Variants in DNAH9 observed in about 807,000 individuals in gnomAD.
DNAH9 encodes dynein axonemal heavy chain 9.
Under a neutral mutation model 471.6 loss-of-function variants are expected in DNAH9, and 345 were observed. That is an observed-to-expected ratio of 0.73 (90% CI 0.67 to 0.80). The LOEUF (loss-of-function observed/expected upper bound fraction) is 0.80, where lower values mean the gene tolerates loss of function less well. Ranked by LOEUF, DNAH9 falls within the 30% of genes least tolerant of loss-of-function variation. The probability of loss-of-function intolerance (pLI) is 0.00; values close to 1 mark genes in which losing one functional copy is unlikely to be tolerated. For synonymous variants in DNAH9, 2,093 were observed against 2,123.6 expected (o/e 0.99, Z 0.40); for missense variants, 5,407 against 5,609.2 (o/e 0.96, Z 1.15).
chr17:11,922,529 C>A (rs756780598), intron 61 of DNAH9, among the ~76,000 whole-genome samples: 68 of 152,158 alleles, frequency 4.5e-4, no homozygotes, highest in Non-Finnish European at 5.0e-4. Context: ...GCGTGGAGAG[C>A]AGCTGAAGCC....
chr17:11,968,127 C>T (rs4792211), intron 68 of DNAH9, among the ~76,000 whole-genome samples: 2,920 of 152,132 alleles, frequency 0.019, 101 homozygotes, highest in African/African-American at 0.067. Context: ...TGATAATGAT[C>T]GTACAACTTT....
chr17:11,719,317 C>T lies in DNAH9; in HGVS notation c.5553-17C>T, dbSNP rs750735803. 1 of 1,612,702 alleles carries T rather than the reference C, an allele frequency of 6.2e-7. No homozygotes were observed. Among genetic ancestry groups the T allele is most frequent in the South Asian group, 1.1e-5 (1 of 90,898 alleles). ...GGCCCCCAAGAATGATGACCTATGC[C>T]CTCCCGTGTTTGGCAGGTGCTACAT... On this transcript the variant is annotated splice_polypyrimidine_tract_variant and intron_variant, in intron 26 of 68. Coordinates refer to ENST00000262442, the MANE Select transcript of DNAH9 (RefSeq NM_001372.4).
intron 50 of DNAH9, among the ~76,000 whole-genome samples, chr17:11,866,017 C>A (rs1291453789): frequency 6.6e-6 from 1 of 152,222 alleles, no homozygotes; most frequent in Non-Finnish European, 1.5e-5. Flanking sequence ...TCTCTCAACT[C>A]GTCAAAGTCA....
At position 11,738,735 on chromosome 17, in the gene DNAH9, G is replaced by A. The variant is rs575486657; in HGVS notation, c.5815-145G>A. ...AGGGCCTGTCAGTAAAGGGTCTGGG[G>A]TGTGGTCATCATGCCTGTCTTTCAG... On this transcript the variant is annotated intron_variant, in intron 28 of 68. Transcript: ENST00000262442. The A allele has an allele frequency of 7.2e-4, 495 of 690,812 alleles. 7 individuals carry two copies. Among genetic ancestry groups the A allele is most frequent in the South Asian group, 6.6e-3 (373 of 56,728 alleles). 42.8% of individuals were successfully genotyped at this position (690,812 alleles called of 1,614,324 possible).
intron 57 of DNAH9, among the ~76,000 whole-genome samples, chr17:11,887,765 CAG>C (rs1491060290): frequency 6.8e-6 from 1 of 147,072 alleles, no homozygotes; most frequent in African/African-American, 2.5e-5. Flanking sequence ...CACACACACA[CAG>C]AGTGCACACA....
chr17:11,600,459 CCAAG>C (rs1418284148), intron 1 of DNAH9, among the ~76,000 whole-genome samples: 12 of 152,032 alleles, frequency 7.9e-5, no homozygotes, highest in African/African-American at 2.9e-4. Flanking sequence ...TGTGTCATGG[CCAAG>C]CAAAGTAGTC....
intron 57 of DNAH9, among the ~76,000 whole-genome samples, chr17:11,891,198 T>A (rs982837192): frequency 6.6e-6 from 1 of 152,154 alleles, no homozygotes; most frequent in Non-Finnish European, 1.5e-5. Flanking sequence ...GAAGGGTCCA[T>A]GAGAAAGGAG....
intron 27 of DNAH9, among the ~76,000 whole-genome samples, chr17:11,726,787 G>A (rs1455103083): frequency 5.3e-5 from 8 of 152,078 alleles, no homozygotes; most frequent in African/African-American, 1.2e-4. Flanking sequence ...GGTGGCTTAT[G>A]CCTGTCATCC....
At chr17:11,763,323 C>T in intron 35 of DNAH9, 117 bp from the exon 36 acceptor site, 1 of 883,036 alleles carries the variant, frequency 1.1e-6, no homozygotes, top group Non-Finnish European at 1.8e-6. Context: ...TCTGTAATCC[C>T]AAAGAACTTG....
intron 55 of DNAH9, among the ~76,000 whole-genome samples, 158 bp downstream of exon 55, chr17:11,881,571 C>A (rs1972722854): frequency 6.6e-6 from 1 of 152,036 alleles, no homozygotes; most frequent in Non-Finnish European, 1.5e-5. Context: ...CTGGGAATAC[C>A]ATACTGGGGA....
chr17:11,945,389 A>C (rs1975075961), intron 67 of DNAH9, among the ~76,000 whole-genome samples: 1 of 151,782 alleles, frequency 6.6e-6, no homozygotes, highest in Non-Finnish European at 1.5e-5. Context: ...ATACAAAAAT[A>C]AGCCAGGCGT....
At chr17:11,831,396 C>T (rs1970680613) in intron 48 of DNAH9, among the ~76,000 whole-genome samples, 1 of 152,064 alleles carries the variant, frequency 6.6e-6, no homozygotes, top group African/African-American at 2.4e-5. Context: ...CTCAAGGGAA[C>T]TAATAAAGTG....
At chr17:11,946,139 G>T (rs1262425085) in intron 67 of DNAH9, among the ~76,000 whole-genome samples, 1 of 144,940 alleles carries the variant, frequency 6.9e-6, no homozygotes, top group Non-Finnish European at 1.5e-5. Flanking sequence ...GGTGGAGGTT[G>T]CAGCGAGCTG....
chr17:11,607,580 T>C (rs2072535851), intron 1 of DNAH9, among the ~76,000 whole-genome samples: 1 of 152,076 alleles, frequency 6.6e-6, no homozygotes, highest in Admixed American at 6.6e-5. Flanking sequence ...TCTTTTTACA[T>C]TTTTTCTGAG....
chr17:11,807,625 G>A, intron 43 of DNAH9, 107 bp from the exon 44 acceptor site: 1 of 1,232,650 alleles, frequency 8.1e-7, no homozygotes, highest in Non-Finnish European at 1.1e-6. Context: ...AGCTCAGCCT[G>A]TGACGTGCCT....
In DNAH9 at chr17:11,969,292, A is replaced by G. The variant is rs770197523; in HGVS notation, c.13234-8A>G. The G allele has an allele frequency of 6.2e-7, 1 of 1,613,248 alleles. No individual in the cohort carries two copies. The highest frequency in any genetic ancestry group is 8.5e-7 in the Non-Finnish European group (1 of 1,179,546). ...TCTAAGGTGCCTCTTCTCATGTTTT[A>G]TCCTCAGGCTGGGATCATTACAGAG... On this transcript the variant is annotated splice_region_variant and splice_polypyrimidine_tract_variant and intron_variant, in intron 68 of 68. Transcript: ENST00000262442.
At position 11,673,818 on chromosome 17, in the gene DNAH9, T is replaced by C. The variant is rs780986923; in HGVS notation, c.3353+4024T>C. On this transcript the variant is annotated intron_variant, in intron 17 of 68. Coordinates refer to ENST00000262442, the MANE Select transcript of DNAH9 (RefSeq NM_001372.4). ...AGGGTCCTAAATGTGACATAATCCT[T>C]CCCAGGCTTTTCTTCATCACTTTGT... is the stretch of plus-strand genomic sequence containing the variant. Among the ~76,000 whole-genome samples the C allele has an allele frequency of 2.0e-5, 3 of 152,114 alleles. 1 individual carries two copies. Among genetic ancestry groups the C allele is most frequent in the Non-Finnish European group, 4.4e-5 (3 of 68,030 alleles).
intron 43 of DNAH9, among the ~76,000 whole-genome samples, chr17:11,800,284 A>T (rs1969405461): frequency 6.7e-6 from 1 of 150,172 alleles, no homozygotes; most frequent in African/African-American, 2.5e-5. Flanking sequence ...TCCCTATCTA[A>T]GTCTAGTCCC....
At chr17:11,616,375 A>G (rs1465534722) in intron 4 of DNAH9, among the ~76,000 whole-genome samples, 2 of 152,178 alleles carry the variant, frequency 1.3e-5, no homozygotes, top group Non-Finnish European at 2.9e-5. Context: ...ACTGTAACCT[A>G]AGACCACCTG....
Sources: allele counts gnomAD v4.1 joint callset (sites outside exome capture counted in the v4.1 genomes callset), GRCh38; gene constraint gnomAD v4.1.1; transcripts MANE v1.5; gene names NCBI Gene and HGNC (gene_info 2026-07-23, HGNC 2026-07-21).